ANKRD28: variants seen among roughly 807,000 people sequenced by gnomAD.
The protein encoded by ANKRD28 is ankyrin repeat domain 28.
ANKRD28 carries 44 observed loss-of-function variants against 126.5 expected under a neutral mutation model. The ratio of observed to expected loss-of-function variants is 0.35; its 90% CI spans 0.27 to 0.45. ANKRD28 has a LOEUF of 0.45. Among genes scored for constraint, ANKRD28 ranks in the 20% least tolerant of loss-of-function variants. The probability of loss-of-function intolerance (pLI) is 1.00; values close to 1 mark genes in which losing one functional copy is unlikely to be tolerated. For missense variants in ANKRD28, 1,110 were observed against 1,316.6 expected (o/e 0.84, Z 2.43); for synonymous variants, 442 against 468.5 (o/e 0.94, Z 0.73).
At chr3:15,766,426 A>C (rs767196111) in intron 2 of ANKRD28, 114 bp from the exon 3 acceptor site, 4 of 709,112 alleles carry the variant, frequency 5.6e-6, no homozygotes, top group Non-Finnish European at 9.5e-6. Context: ...TTAACTATCA[A>C]CTTATTACTT....
At chr3:15,671,783 C>T (rs1370503365) in intron 27 of ANKRD28, among the ~76,000 whole-genome samples, 1 of 151,932 alleles carries the variant, frequency 6.6e-6, no homozygotes, top group Non-Finnish European at 1.5e-5. Flanking sequence ...TGGGATTTCG[C>T]TATGTTGGCC....
At chr3:15,700,263 C>T (rs1293293481) in intron 14 of ANKRD28, among the ~76,000 whole-genome samples, 1 of 151,970 alleles carries the variant, frequency 6.6e-6, no homozygotes, top group Non-Finnish European at 1.5e-5. Flanking sequence ...CATGTGGACA[C>T]AGGGAGGGGA....
intron 14 of ANKRD28, among the ~76,000 whole-genome samples, chr3:15,696,583 C>G (rs147576983): frequency 6.6e-6 from 1 of 151,876 alleles, no homozygotes; most frequent in African/African-American, 2.4e-5. Flanking sequence ...TTAAACTTTT[C>G]GTGGTGGTGA....
chr3:15,812,650 G>A lies in ANKRD28; in HGVS notation c.28-17344C>T, dbSNP rs2060740469. 6.6e-6 allele frequency among the ~76,000 whole-genome samples: 1 copy of A among 152,154 alleles called. No individual in the cohort carries two copies. Among genetic ancestry groups the A allele is most frequent in the South Asian group, 2.1e-4 (1 of 4,824 alleles). ...CTCGTTTGGGAACAGAATTAGGATA[G>A]GGGCATTGTTAAAATTCATCTAAAG... On this transcript the variant is annotated intron_variant, in intron 1 of 27. Transcript: ENST00000399451. This position sits in a 1 kb window ranked among gnomAD's most constrained non-coding sequence, Gnocchi z 4.1.
rs1478354345 is a variant in ANKRD28 at position 15,817,574 on chromosome 3, G to T, written c.28-22268C>A. On this transcript the variant is annotated intron_variant, in intron 1 of 27. Coordinates refer to the ANKRD28 transcript ENST00000399451. This position sits in a 1 kb window ranked among gnomAD's most constrained non-coding sequence, Gnocchi z 4.5. ...TTAGGAATCACAAGATATACCAGTT[G>T]ATGAATCCTATGAGGAAAACTGGAG... Among the ~76,000 whole-genome samples the T allele has an allele frequency of 1.3e-5, 2 of 152,134 alleles. No homozygotes were observed. The highest frequency in any genetic ancestry group is 2.9e-5 in the Non-Finnish European group (2 of 68,020).
At chr3:15,811,411 T>C (rs1053333428) in intron 1 of ANKRD28, among the ~76,000 whole-genome samples, 2 of 152,194 alleles carry the variant, frequency 1.3e-5, no homozygotes, top group Non-Finnish European at 2.9e-5. Flanking sequence ...GAAAGGAGTC[T>C]GAACAGCTAC....
Position 15,814,160 on chromosome 3 carries a change from A to G in ANKRD28, c.28-18854T>C. 1 of 703,276 alleles carries G rather than the reference A, an allele frequency of 1.4e-6. No individual in the cohort carries two copies. 43.6% of individuals were successfully genotyped at this position (703,276 alleles called of 1,614,324 possible). On this transcript the variant is annotated intron_variant, in intron 1 of 27. Coordinates refer to the ANKRD28 transcript ENST00000399451. The surrounding 1 kb of genome is among the most constrained non-coding windows in gnomAD (Gnocchi z 4.7). Reference sequence around the variant, plus strand: ...AGTTATGTATGAAAGCTAAGTTACAAGGAGGCTTAAACAGCAACAAACTAA... The same window carrying G: ...AGTTATGTATGAAAGCTAAGTTACAGGGAGGCTTAAACAGCAACAAACTAA...
At chr3:15,825,511 G>C (rs1373277246) in intron 1 of ANKRD28, among the ~76,000 whole-genome samples, 2 of 152,028 alleles carry the variant, frequency 1.3e-5, no homozygotes, top group Admixed American at 6.5e-5. Flanking sequence ...TAAAATTCTA[G>C]GTCATTCAGA....
intron 6 of ANKRD28, 58 bp downstream of exon 6, chr3:15,735,352 G>T (rs1415197072): frequency 6.4e-5 from 88 of 1,364,898 alleles, no homozygotes; most frequent in Non-Finnish European, 8.7e-5. Flanking sequence ...GCAAGAACTT[G>T]AAATGTACAA....
At chr3:15,831,653 C>CA (rs143306693) in intron 1 of ANKRD28, among the ~76,000 whole-genome samples, 1 of 151,978 alleles carries the variant, frequency 6.6e-6, no homozygotes, top group African/African-American at 2.4e-5. Context: ...TTATCTTTTA[C>CA]AAAAAAAGGG....
At chr3:15,795,046 C>T (rs2060212509) in intron 2 of ANKRD28, among the ~76,000 whole-genome samples, 177 bp downstream of exon 2, 2 of 152,098 alleles carry the variant, frequency 1.3e-5, no homozygotes, top group African/African-American at 4.8e-5. Context: ...CCCCTACTGG[C>T]TGCTACTGCC....
chr3:15,790,706 A>G, intron 2 of ANKRD28, among the ~76,000 whole-genome samples: 1 of 152,056 alleles, frequency 6.6e-6, no homozygotes, highest in Non-Finnish European at 1.5e-5. Flanking sequence ...GGAAAAACTG[A>G]AAATCTTTCC....
chr3:15,748,384 T>C (rs2057626618), intron 4 of ANKRD28, among the ~76,000 whole-genome samples: 1 of 152,226 alleles, frequency 6.6e-6, no homozygotes, highest in Non-Finnish European at 1.5e-5. Context: ...TAGCGCTGGC[T>C]TGGTAGTGGT....
Position 15,854,672 on chromosome 3 carries a change from GT to G in ANKRD28, c.27+4704del, listed in dbSNP as rs903882902. The stretch of plus-strand genomic sequence containing the variant: ...TATCTCACTTACCCTACATCTATGT[GT>G]TTTTTTTTTCCCCTCTTCTAAGATC... On this transcript the variant is annotated intron_variant, in intron 1 of 27. Transcript: ENST00000399451. This position sits in a 1 kb window ranked among gnomAD's most constrained non-coding sequence, Gnocchi z 4.1. Among the ~76,000 whole-genome samples, 86 of 149,508 alleles carry G rather than the reference GT, an allele frequency of 5.8e-4. 1 individual carries two copies. In the East Asian group the frequency reaches 7.8e-3, roughly 14 times the overall value.
upstream of ANKRD28, among the ~76,000 whole-genome samples, chr3:15,800,520 C>A (rs1465889170): frequency 6.6e-6 from 1 of 152,098 alleles, no homozygotes; most frequent in East Asian, 1.9e-4. Context: ...CTATTAAACT[C>A]CTCCTCCTCT....
intron 1 of ANKRD28, among the ~76,000 whole-genome samples, chr3:15,850,609 G>A (rs1478589906): frequency 6.6e-6 from 1 of 151,984 alleles, no homozygotes; most frequent in Non-Finnish European, 1.5e-5. Flanking sequence ...CTTCTCTTCT[G>A]TTGGGTTCAG....
rs2060799811 is a variant in ANKRD28, at chr3:15,814,832, C to T, written c.28-19526G>A. On this transcript the variant is annotated intron_variant, in intron 1 of 27. Transcript: ENST00000399451. This position sits in a 1 kb window ranked among gnomAD's most constrained non-coding sequence, Gnocchi z 4.7. ...TCAGTAATACATAAATTTAAGAAATCACTGCAATATCTCTCAAAGAAAACT... is the reference window on the plus strand; with the variant it reads ...TCAGTAATACATAAATTTAAGAAATTACTGCAATATCTCTCAAAGAAAACT... Among the ~76,000 whole-genome samples, 1 of 149,854 alleles carries T rather than the reference C, an allele frequency of 6.7e-6. No homozygotes were observed.
At chr3:15,847,702 C>G (rs1422456542) in intron 1 of ANKRD28, among the ~76,000 whole-genome samples, 1 of 152,226 alleles carries the variant, frequency 6.6e-6, no homozygotes, top group Non-Finnish European at 1.5e-5. Context: ...TCCTAAGTAT[C>G]TCTGGAATCC....
chr3:15,836,275 G>C (rs1265224019), intron 1 of ANKRD28, among the ~76,000 whole-genome samples: 1 of 152,008 alleles, frequency 6.6e-6, no homozygotes. Flanking sequence ...CAGTAAAAGA[G>C]ACGAGAGAAA....
Sources: allele counts gnomAD v4.1 joint callset (sites outside exome capture counted in the v4.1 genomes callset), GRCh38; gene constraint gnomAD v4.1.1; non-coding constraint Gnocchi (gnomAD v3.1); transcripts MANE v1.5; gene names NCBI Gene and HGNC (gene_info 2026-07-23, HGNC 2026-07-21).